VAT1L: variants seen among roughly 807,000 people sequenced by gnomAD.
The protein encoded by VAT1L is vesicle amine transport 1 like.
A neutral mutation model predicts 44.1 loss-of-function variants in VAT1L; 34 were observed. That is an observed-to-expected ratio of 0.77 (90% CI 0.59 to 1.03). The LOEUF is 1.03. VAT1L is among the 50% of genes least tolerant of loss of function. The pLI is 0.00. For missense variants in VAT1L, 615 were observed against 538.8 expected (o/e 1.14, Z -1.40); for synonymous variants, 253 against 202.2 (o/e 1.25, Z -2.13).
intron 3 of VAT1L, among the ~76,000 whole-genome samples, chr16:77,856,076 G>T (rs1018906911): frequency 6.6e-6 from 1 of 152,104 alleles, no homozygotes; most frequent in Admixed American, 6.6e-5. Flanking sequence ...ACTCAATGAA[G>T]TAACAGAGAG....
intron 7 of VAT1L, among the ~76,000 whole-genome samples, chr16:77,897,437 G>A (rs2017335908): frequency 6.6e-6 from 1 of 152,132 alleles, no homozygotes; most frequent in Non-Finnish European, 1.5e-5. Flanking sequence ...CTGATTGGAT[G>A]GGGGCAAATT....
intron 4 of VAT1L, among the ~76,000 whole-genome samples, chr16:77,865,512 T>C (rs1008384717): frequency 1.3e-5 from 2 of 151,922 alleles, no homozygotes; most frequent in African/African-American, 4.8e-5. Flanking sequence ...GAATATAGAG[T>C]CTTAACGGAG....
At chr16:77,834,810 G>A (rs1006251438) in intron 3 of VAT1L, among the ~76,000 whole-genome samples, 1 of 152,060 alleles carries the variant, frequency 6.6e-6, no homozygotes, top group Non-Finnish European at 1.5e-5. Flanking sequence ...AAGATTAATG[G>A]CCTGGGCCCT....
intron 7 of VAT1L, among the ~76,000 whole-genome samples, chr16:77,930,832 G>A (rs947564225): frequency 6.6e-6 from 1 of 152,132 alleles, no homozygotes; most frequent in African/African-American, 2.4e-5. Context: ...AAGAGCAGGT[G>A]GAGAAAAGCA....
intron 7 of VAT1L, among the ~76,000 whole-genome samples, chr16:77,949,893 G>A (rs926519586): frequency 6.6e-6 from 1 of 152,136 alleles, no homozygotes; most frequent in Non-Finnish European, 1.5e-5. Flanking sequence ...TGAAGCACGT[G>A]GCTCTTCCTA....
intron 7 of VAT1L, among the ~76,000 whole-genome samples, chr16:77,896,269 A>T (rs2017323544): frequency 6.6e-6 from 1 of 151,884 alleles, no homozygotes; most frequent in Admixed American, 6.6e-5. Flanking sequence ...ACCTTTTAAG[A>T]CTCAGCCCTG....
chr16:77,946,541 C>T (rs2017969412), intron 7 of VAT1L, among the ~76,000 whole-genome samples: 1 of 152,072 alleles, frequency 6.6e-6, no homozygotes, highest in Non-Finnish European at 1.5e-5. Context: ...CTCAGCCTCC[C>T]AAAGTGCTGG....
chr16:77,973,950 C>G (rs966894546), intron 8 of VAT1L, among the ~76,000 whole-genome samples: 1 of 152,074 alleles, frequency 6.6e-6, no homozygotes, highest in African/African-American at 2.4e-5. Context: ...ATCTCCTGAC[C>G]TTGTGATCCG....
intron 7 of VAT1L, among the ~76,000 whole-genome samples, chr16:77,914,890 C>CTAA (rs2017536299): frequency 6.6e-6 from 1 of 152,194 alleles, no homozygotes; most frequent in South Asian, 2.1e-4. Context: ...CTTTGGGAGA[C>CTAA]TAAGGCAGGC....
intron 3 of VAT1L, among the ~76,000 whole-genome samples, chr16:77,844,422 T>C (rs549821564): frequency 3.9e-4 from 60 of 152,264 alleles, no homozygotes; most frequent in African/African-American, 1.4e-3. Flanking sequence ...TTTTTTATTT[T>C]TTCTGAGATG....
intron 1 of VAT1L, among the ~76,000 whole-genome samples, chr16:77,805,612 CT>C (rs2016141976): frequency 6.6e-6 from 1 of 150,852 alleles, no homozygotes; most frequent in Non-Finnish European, 1.5e-5. Flanking sequence ...CTGCCCGGAG[CT>C]GGCAAAGGCT....
chr16:77,835,126 GC>G (rs1290913609), intron 3 of VAT1L, among the ~76,000 whole-genome samples: 1 of 152,016 alleles, frequency 6.6e-6, no homozygotes, highest in Non-Finnish European at 1.5e-5. Flanking sequence ...TCTGGTTCCT[GC>G]CACGTCGTAA....
intron 2 of VAT1L, among the ~76,000 whole-genome samples, chr16:77,824,262 T>A (rs1418611584): frequency 6.6e-6 from 1 of 152,092 alleles, no homozygotes; most frequent in African/African-American, 2.4e-5. Context: ...ACCTAAATAA[T>A]GTTCAGAGTT....
intron 7 of VAT1L, among the ~76,000 whole-genome samples, chr16:77,895,791 C>T (rs760486408): frequency 3.3e-5 from 5 of 152,254 alleles, no homozygotes; most frequent in Non-Finnish European, 7.3e-5. Flanking sequence ...GCCTGCTGCG[C>T]GCCAAGCACC....
Position 77,884,772 on chromosome 16 carries a change from T to C in VAT1L, c.1047T>C (p.Pro349=). 6.4e-7 allele frequency: 1 copy of C among 1,562,654 alleles called. No homozygotes were observed. The highest frequency in any genetic ancestry group is 8.6e-7 in the Non-Finnish European group (1 of 1,156,640). ...TCTACAACCAGAAGAAGATCAAGCC[T>C]GTGGTGGACTCCTTGTGGGCTCTGG... ...IGLYNQKKIK[P]VVDSLWALEE... is the part of the protein sequence containing the mutation. Residue 349 remains proline, a synonymous_variant, in exon 7 of 9, where the codon CCT becomes CCC. Coordinates refer to ENST00000302536, the MANE Select transcript of VAT1L (RefSeq NM_020927.3). This position sits in a 1 kb window ranked among gnomAD's most constrained non-coding sequence, Gnocchi z 4.5.
chr16:77,929,688 C>G (rs547915752), intron 7 of VAT1L, among the ~76,000 whole-genome samples: 63 of 152,184 alleles, frequency 4.1e-4, no homozygotes, highest in Non-Finnish European at 8.1e-4. Flanking sequence ...CACTCTCCCC[C>G]TCACTACATG....
chr16:77,872,462 G>A (rs2067759703), intron 4 of VAT1L, among the ~76,000 whole-genome samples: 1 of 152,138 alleles, frequency 6.6e-6, no homozygotes, highest in Non-Finnish European at 1.5e-5. Context: ...GAGGGAGACA[G>A]GAACGCAATT....
intron 1 of VAT1L, among the ~76,000 whole-genome samples, chr16:77,812,529 A>T (rs1395559014): frequency 6.6e-6 from 1 of 152,192 alleles, no homozygotes; most frequent in Admixed American, 6.5e-5. Context: ...TGGTGCCTTT[A>T]ACAAGTCAGT....
At chr16:77,964,272 C>G (rs1458072568) in intron 7 of VAT1L, among the ~76,000 whole-genome samples, 1 of 152,150 alleles carries the variant, frequency 6.6e-6, no homozygotes, top group Admixed American at 6.5e-5. Context: ...AATGTAGTGG[C>G]TTAAATAACA....
Sources: allele counts gnomAD v4.1 joint callset (sites outside exome capture counted in the v4.1 genomes callset), GRCh38; gene constraint gnomAD v4.1.1; non-coding constraint Gnocchi (gnomAD v3.1); transcripts MANE v1.5; gene names NCBI Gene and HGNC (gene_info 2026-07-23, HGNC 2026-07-21).